The following CNTNAP2 variants were observed in gnomAD, a reference collection of about 807,000 sequenced individuals.
The protein encoded by CNTNAP2 is contactin-associated protein-like 2.
Under a neutral mutation model 155.2 loss-of-function variants are expected in CNTNAP2, and 98 were observed. That is an observed-to-expected ratio of 0.63 (90% CI 0.54 to 0.75). The LOEUF (loss-of-function observed/expected upper bound fraction) is 0.75, where lower values mean the gene tolerates loss of function less well. Among genes scored for constraint, CNTNAP2 ranks in the 30% least tolerant of loss-of-function variants. The probability of loss-of-function intolerance (pLI) is 0.00; values close to 1 mark genes in which losing one functional copy is unlikely to be tolerated. For synonymous variants in CNTNAP2, 651 were observed against 631.2 expected (o/e 1.03, Z -0.47); for missense variants, 1,727 against 1,688.1 (o/e 1.02, Z -0.40).
chr7:148,050,203 T>G (rs1293735293), intron 15 of CNTNAP2, among the ~76,000 whole-genome samples: 1 of 152,118 alleles, frequency 6.6e-6, no homozygotes, highest in Non-Finnish European at 1.5e-5. Flanking sequence ...CAGCAGGTCC[T>G]TCAGGAGGGA....
chr7:147,191,462 C>T lies in CNTNAP2; in HGVS notation c.1348+58953C>T, dbSNP rs115698431. Among the ~76,000 whole-genome samples, 1,017 of 152,228 alleles carry T rather than the reference C, an allele frequency of 6.7e-3. 14 individuals carry two copies. Among genetic ancestry groups the T allele is most frequent in the African/African-American group, 0.023 (957 of 41,534 alleles). On this transcript the variant is annotated intron_variant, in intron 8 of 23. Transcript: ENST00000361727. ...GGCTGTGCTCACAAGTCTATGACCA[C>T]TGCTTGGAAGGAACAGGAGTGGAGG...
intron 13 of CNTNAP2, 152 bp from the exon 14 acceptor site, chr7:147,903,413 C>T (rs531039819): frequency 1.2e-6 from 1 of 812,622 alleles, no homozygotes; most frequent in South Asian, 1.5e-5. Context: ...TTCTCCCACT[C>T]TGTGGGTTGT....
intron 15 of CNTNAP2, among the ~76,000 whole-genome samples, chr7:148,094,981 A>C (rs879669037): frequency 6.6e-6 from 1 of 152,310 alleles, no homozygotes; most frequent in African/African-American, 2.4e-5. Flanking sequence ...AAGAGATAAT[A>C]AGAGGCAGTG....
chr7:147,214,991 T>A (rs1292673420), intron 8 of CNTNAP2, among the ~76,000 whole-genome samples: 1 of 152,066 alleles, frequency 6.6e-6, no homozygotes, highest in Non-Finnish European at 1.5e-5. Flanking sequence ...CACCAGACAC[T>A]TTTAAACAAT....
chr7:147,739,540 T>C (rs2116483388), intron 13 of CNTNAP2, among the ~76,000 whole-genome samples: 1 of 152,192 alleles, frequency 6.6e-6, no homozygotes, highest in East Asian at 1.9e-4. Flanking sequence ...ATTTTCAGGG[T>C]TCTTATGGAA....
intron 1 of CNTNAP2, among the ~76,000 whole-genome samples, chr7:146,511,923 C>G (rs1797472391): frequency 6.6e-6 from 1 of 152,086 alleles, no homozygotes; most frequent in African/African-American, 2.4e-5. Flanking sequence ...ATATGGGAGG[C>G]TTTTTATTAC....
chr7:147,292,559 A>G (rs1267400376), intron 8 of CNTNAP2, among the ~76,000 whole-genome samples: 1 of 152,046 alleles, frequency 6.6e-6, no homozygotes, highest in Non-Finnish European at 1.5e-5. Flanking sequence ...ATGTATCTCC[A>G]TTTGTTTAGT....
At chr7:147,113,629 A>T (rs1009560174) in intron 5 of CNTNAP2, among the ~76,000 whole-genome samples, 1 of 152,112 alleles carries the variant, frequency 6.6e-6, no homozygotes, top group African/African-American at 2.4e-5. Context: ...GAACTCAATC[A>T]CTATGATGAG....
In CNTNAP2 at chr7:148,289,507, G is replaced by A. The variant is rs978721951; in HGVS notation, c.3475+22381G>A. Among the ~76,000 whole-genome samples the A allele has an allele frequency of 4.8e-5, 7 of 147,128 alleles. No individual in the cohort carries two copies. In the South Asian group the frequency reaches 1.5e-3, roughly 31 times the overall value. On this transcript the variant is annotated intron_variant, in intron 21 of 23. Transcript: ENST00000361727. Reference sequence around the variant, plus strand: ...ATGACCAATAAACACCAACTTACTTGGTTTTTTTCATTCCTTTTTCCCTGT... The same window carrying A: ...ATGACCAATAAACACCAACTTACTTAGTTTTTTTCATTCCTTTTTCCCTGT...
intron 1 of CNTNAP2, among the ~76,000 whole-genome samples, chr7:146,223,612 T>A (rs1799243927): frequency 6.6e-6 from 1 of 152,172 alleles, no homozygotes; most frequent in Non-Finnish European, 1.5e-5. Context: ...GCTCTGGCAA[T>A]CTTGACTCTA....
intron 1 of CNTNAP2, among the ~76,000 whole-genome samples, chr7:146,195,937 G>A (rs1562985874): frequency 6.6e-6 from 1 of 152,100 alleles, no homozygotes; most frequent in African/African-American, 2.4e-5. Flanking sequence ...CATCATGATG[G>A]TGTGAATCTC....
chr7:147,485,177 T>G (rs1035336420), intron 10 of CNTNAP2, among the ~76,000 whole-genome samples: 4 of 152,226 alleles, frequency 2.6e-5, no homozygotes, highest in African/African-American at 9.6e-5. Context: ...GCCCACTATT[T>G]CCTGCCTATT....
intron 15 of CNTNAP2, among the ~76,000 whole-genome samples, chr7:148,082,767 C>T (rs185996565): frequency 9.3e-4 from 141 of 152,240 alleles, no homozygotes; most frequent in African/African-American, 3.3e-3. Flanking sequence ...CAACCTCCAC[C>T]TCCTGCGTTC....
intron 1 of CNTNAP2, among the ~76,000 whole-genome samples, chr7:146,537,730 G>A (rs1460920513): frequency 6.6e-6 from 1 of 152,096 alleles, no homozygotes; most frequent in Admixed American, 6.6e-5. Context: ...AGGCAGAGTT[G>A]GAAGAGCAAA....
At chr7:147,995,821 C>T (rs564441195) in intron 15 of CNTNAP2, among the ~76,000 whole-genome samples, 97 of 151,550 alleles carry the variant, frequency 6.4e-4, no homozygotes, top group African/African-American at 2.1e-3. Flanking sequence ...CCTCCCTGTC[C>T]GAATTCTTAG....
intron 4 of CNTNAP2, among the ~76,000 whole-genome samples, chr7:147,064,950 C>T (rs922768544): frequency 1.3e-5 from 2 of 152,030 alleles, no homozygotes; most frequent in Non-Finnish European, 2.9e-5. Context: ...TTTAACCTGT[C>T]CAAATGAAAA....
At chr7:147,478,717 G>A (rs936834021) in intron 10 of CNTNAP2, among the ~76,000 whole-genome samples, 1 of 152,130 alleles carries the variant, frequency 6.6e-6, no homozygotes, top group Non-Finnish European at 1.5e-5. Flanking sequence ...ATTGCACATG[G>A]CACTTCCATT....
intron 15 of CNTNAP2, among the ~76,000 whole-genome samples, chr7:148,101,930 G>A (rs1035639497): frequency 1.3e-5 from 2 of 152,090 alleles, no homozygotes; most frequent in Admixed American, 1.3e-4. Context: ...CTTCCCCATT[G>A]CTATCAATTA....
intron 22 of CNTNAP2, among the ~76,000 whole-genome samples, chr7:148,398,502 T>C (rs1372772468): frequency 6.6e-6 from 1 of 152,266 alleles, no homozygotes; most frequent in African/African-American, 2.4e-5. Flanking sequence ...AGCAGATCAA[T>C]AATATTCAGC....
Sources: allele counts gnomAD v4.1 joint callset (sites outside exome capture counted in the v4.1 genomes callset), GRCh38; gene constraint gnomAD v4.1.1; transcripts MANE v1.5; gene names NCBI Gene and HGNC (gene_info 2026-07-23, HGNC 2026-07-21).